Variants in IFT80 observed in about 807,000 individuals in gnomAD.
The protein encoded by IFT80 is intraflagellar transport 80.
Under a neutral mutation model 107.9 loss-of-function variants are expected in IFT80, and 79 were observed. The observed-to-expected ratio is 0.73, with a 90% CI of 0.61 to 0.88. The LOEUF is 0.88. Ranked by LOEUF, IFT80 falls within the 40% of genes least tolerant of loss-of-function variation. The pLI is 0.00. For missense variants in IFT80, 797 were observed against 914.2 expected, an observed-to-expected ratio of 0.87 and a Z score of 1.65; for synonymous variants, 299 against 300.9, an observed-to-expected ratio of 0.99 and a Z score of 0.07.
At chr3:160,286,858 C>T (rs1002303857) in intron 12 of IFT80, among the ~76,000 whole-genome samples, 1 of 151,996 alleles carries the variant, frequency 6.6e-6, no homozygotes, top group East Asian at 1.9e-4. Context: ...CCTGGAGCTT[C>T]AAAAACCCTG....
At chr3:160,312,912 A>G (rs866719445) in intron 9 of IFT80, among the ~76,000 whole-genome samples, 6 of 31,858 alleles carry the variant, frequency 1.9e-4, no homozygotes, top group African/African-American at 5.5e-4. Flanking sequence ...TATAATAAAT[A>G]TATATTATAT....
intron 8 of IFT80, among the ~76,000 whole-genome samples, chr3:160,332,344 G>A (rs551767726): frequency 6.6e-6 from 1 of 152,268 alleles, no homozygotes; most frequent in Admixed American, 6.5e-5. Context: ...CAGCAGGTGG[G>A]GAGCAAAAGA....
chr3:160,398,644 C>A (rs1382777311), intron 1 of IFT80, among the ~76,000 whole-genome samples: 3 of 152,102 alleles, frequency 2.0e-5, no homozygotes, highest in Admixed American at 6.5e-5. Flanking sequence ...GATCCACAGA[C>A]CTCAGGTTAA....
chr3:160,262,185 G>T (rs1027555362), intron 19 of IFT80, among the ~76,000 whole-genome samples: 1 of 152,088 alleles, frequency 6.6e-6, no homozygotes, highest in Non-Finnish European at 1.5e-5. Flanking sequence ...AAATCTCAAT[G>T]AAAGGTAACT....
At chr3:160,304,443 T>C (rs1056654817) in intron 10 of IFT80, among the ~76,000 whole-genome samples, 39 of 150,208 alleles carry the variant, frequency 2.6e-4, no homozygotes, top group Non-Finnish European at 4.9e-4. Context: ...TTCTTTTTTT[T>C]TTTTTTTTTT....
chr3:160,354,510 G>C (rs986400996), intron 8 of IFT80, among the ~76,000 whole-genome samples: 1 of 152,040 alleles, frequency 6.6e-6, no homozygotes, highest in Non-Finnish European at 1.5e-5. Context: ...AAAACTAGCC[G>C]GGCGTGGTGA....
intron 2 of IFT80, chr3:160,383,710 A>G: frequency 1.0e-6 from 1 of 985,400 alleles, no homozygotes; most frequent in Non-Finnish European, 1.2e-6. Flanking sequence ...TCTAAGAATG[A>G]TGATAGTGGG....
chr3:160,371,753 T>C (rs1419021771), intron 5 of IFT80, among the ~76,000 whole-genome samples: 3 of 152,218 alleles, frequency 2.0e-5, no homozygotes, highest in African/African-American at 4.8e-5. Context: ...CAATTACTTA[T>C]ATTTACAGTT....
chr3:160,390,427 A>AAAAAAAAAG (rs1349230090), intron 1 of IFT80, among the ~76,000 whole-genome samples: 1 of 152,006 alleles, frequency 6.6e-6, no homozygotes, highest in African/African-American at 2.4e-5. Context: ...CAAAAAAAAA[A>AAAAAAAAAG]AAAGAAAAAG....
intron 1 of IFT80, among the ~76,000 whole-genome samples, chr3:160,389,838 A>G (rs1170054674): frequency 6.6e-6 from 1 of 152,126 alleles, no homozygotes; most frequent in African/African-American, 2.4e-5. Context: ...TCCTTTGGGT[A>G]TATACCCACT....
At chr3:160,353,506 T>C (rs575637526) in intron 8 of IFT80, among the ~76,000 whole-genome samples, 1 of 152,356 alleles carries the variant, frequency 6.6e-6, no homozygotes, top group South Asian at 2.1e-4. Context: ...CCTGGTATTA[T>C]GCCATGAAAA....
intron 19 of IFT80, among the ~76,000 whole-genome samples, chr3:160,266,733 AAATAT>A (rs1713361019): frequency 6.6e-6 from 1 of 152,180 alleles, no homozygotes; most frequent in African/African-American, 2.4e-5. Flanking sequence ...AATATTGAAA[AAATAT>A]TGATGGCGAG....
chr3:160,298,353 T>G (rs1255832948), intron 12 of IFT80, among the ~76,000 whole-genome samples: 4 of 152,168 alleles, frequency 2.6e-5, no homozygotes, highest in African/African-American at 9.6e-5. Context: ...TATTTTCCCC[T>G]CATTTTAAGT....
At chr3:160,288,074 G>A (rs1262099870) in intron 12 of IFT80, among the ~76,000 whole-genome samples, 4 of 152,372 alleles carry the variant, frequency 2.6e-5, no homozygotes, top group African/African-American at 9.6e-5. Flanking sequence ...TCTGGGCGCA[G>A]TGGCTCACGC....
chr3:160,314,713 C>T (rs1433150158), intron 9 of IFT80, among the ~76,000 whole-genome samples: 38 of 152,132 alleles, frequency 2.5e-4, no homozygotes, highest in Admixed American at 2.5e-3. Flanking sequence ...CACCTTGCAA[C>T]AAAAGTGGGC....
At chr3:160,302,210 C>A (rs939176808) in intron 11 of IFT80, among the ~76,000 whole-genome samples, 3 of 151,808 alleles carry the variant, frequency 2.0e-5, no homozygotes, top group Non-Finnish European at 4.4e-5. Context: ...GCTAAATGTT[C>A]TTTTTTTGCT....
At chr3:160,274,034 T>G (rs556440083) in intron 18 of IFT80, among the ~76,000 whole-genome samples, 1 of 152,264 alleles carries the variant, frequency 6.6e-6, no homozygotes, top group Non-Finnish European at 1.5e-5. Flanking sequence ...CAAGAGAAGG[T>G]CCCTTACTGA....
chr3:160,263,672 T>C (rs1345145508), intron 19 of IFT80, among the ~76,000 whole-genome samples: 1 of 152,136 alleles, frequency 6.6e-6, no homozygotes, highest in Non-Finnish European at 1.5e-5. Context: ...ATGTATTTCT[T>C]TATTTTTATT....
At chr3:160,351,242 T>C (rs1307736394) in intron 8 of IFT80, among the ~76,000 whole-genome samples, 1 of 151,572 alleles carries the variant, frequency 6.6e-6, no homozygotes, top group Non-Finnish European at 1.5e-5. Context: ...TGTGGTCATA[T>C]ATTTTAAAAC....
Sources: allele counts gnomAD v4.1 joint callset (sites outside exome capture counted in the v4.1 genomes callset), GRCh38; gene constraint gnomAD v4.1.1; transcripts MANE v1.5; gene names NCBI Gene and HGNC (gene_info 2026-07-23, HGNC 2026-07-21).